The following MCTP1 variants were observed in gnomAD, a reference collection of about 807,000 sequenced individuals.
MCTP1 encodes multiple C2 and transmembrane domain-containing protein 1.
Under a neutral mutation model 120.6 loss-of-function variants are expected in MCTP1, and 69 were observed. That is an observed-to-expected ratio of 0.57 (90% CI 0.47 to 0.70). MCTP1 has a LOEUF of 0.70. Ranked by LOEUF, MCTP1 falls within the 30% of genes least tolerant of loss-of-function variation. The probability of loss-of-function intolerance (pLI) is 0.00; values close to 1 mark genes in which losing one functional copy is unlikely to be tolerated. For synonymous variants in MCTP1, 529 were observed against 493.1 expected (o/e 1.07, Z -0.96); for missense variants, 1,203 against 1,248.8 (o/e 0.96, Z 0.55).
intron 19 of MCTP1, among the ~76,000 whole-genome samples, chr5:94,745,297 G>A (rs72775304): frequency 0.15 from 22,572 of 152,148 alleles, 1,964 homozygotes; most frequent in East Asian, 0.33. Flanking sequence ...TCCACAGCTC[G>A]GAGAGTGTGC....
At chr5:94,710,280 T>C (rs1251183963) in intron 21 of MCTP1, 1 of 152,094 alleles carries the variant, frequency 6.6e-6, no homozygotes, top group Non-Finnish European at 1.5e-5. Flanking sequence ...AAAAATCACC[T>C]TTGATGTAGG....
At chr5:94,744,799 C>G (rs1013008681) in intron 19 of MCTP1, among the ~76,000 whole-genome samples, 1 of 152,112 alleles carries the variant, frequency 6.6e-6, no homozygotes, top group East Asian at 1.9e-4. Context: ...TGTGAGCCAC[C>G]GCGCCCAGCC....
chr5:94,905,018 G>A (rs1376488248), intron 10 of MCTP1, among the ~76,000 whole-genome samples: 1 of 152,206 alleles, frequency 6.6e-6, no homozygotes, highest in East Asian at 1.9e-4. Context: ...ATAGAGGAAT[G>A]GAATGCCAAG....
intron 1 of MCTP1, among the ~76,000 whole-genome samples, chr5:95,203,428 G>A (rs938060783): frequency 6.6e-6 from 1 of 152,158 alleles, no homozygotes; most frequent in Non-Finnish European, 1.5e-5. Flanking sequence ...TTGTGAATTA[G>A]GTATGAGTGT....
At chr5:94,916,377 T>C (rs1020039596) in intron 8 of MCTP1, among the ~76,000 whole-genome samples, 43 of 152,342 alleles carry the variant, frequency 2.8e-4, no homozygotes, top group African/African-American at 9.6e-4. Context: ...TTGATTTTTC[T>C]AGACTGTACT....
chr5:95,032,850 C>T (rs1327369883), intron 1 of MCTP1, among the ~76,000 whole-genome samples: 1 of 151,652 alleles, frequency 6.6e-6, no homozygotes, highest in East Asian at 1.9e-4. Flanking sequence ...CTAGATTAAC[C>T]AAGAAAAAAA....
At chr5:95,249,313 C>A (rs1310919702) in intron 1 of MCTP1, among the ~76,000 whole-genome samples, 1 of 151,766 alleles carries the variant, frequency 6.6e-6, no homozygotes, top group Non-Finnish European at 1.5e-5. Flanking sequence ...AACAAATTTA[C>A]AATTAAAAAA....
chr5:95,034,834 T>C (rs1014702952), intron 1 of MCTP1, among the ~76,000 whole-genome samples: 1 of 151,976 alleles, frequency 6.6e-6, no homozygotes, highest in Non-Finnish European at 1.5e-5. Flanking sequence ...AACAAAAGAC[T>C]AATATCCAGA....
At chr5:95,174,965 T>C (rs1228688537) in intron 1 of MCTP1, among the ~76,000 whole-genome samples, 5 of 152,178 alleles carry the variant, frequency 3.3e-5, no homozygotes, top group Admixed American at 6.5e-5. Context: ...TCTTTCTTAC[T>C]TCAACATTTA....
intron 6 of MCTP1, among the ~76,000 whole-genome samples, chr5:94,930,464 G>A (rs546309698): frequency 6.6e-6 from 1 of 151,316 alleles, no homozygotes; most frequent in East Asian, 1.9e-4. Flanking sequence ...AGTAGAGATG[G>A]GGTTTCACCA....
At chr5:95,167,821 A>G (rs1462816324) in intron 1 of MCTP1, among the ~76,000 whole-genome samples, 2 of 152,126 alleles carry the variant, frequency 1.3e-5, no homozygotes, top group Non-Finnish European at 2.9e-5. Flanking sequence ...AGTAGATTGG[A>G]AAAATTTTCT....
intron 2 of MCTP1, among the ~76,000 whole-genome samples, chr5:95,001,944 T>C (rs994023086): frequency 1.3e-5 from 2 of 152,050 alleles, no homozygotes; most frequent in African/African-American, 4.8e-5. Context: ...GAGGCAAAAA[T>C]TATTTCATGG....
chr5:94,819,894 G>T (rs1785266484), intron 17 of MCTP1, among the ~76,000 whole-genome samples: 1 of 152,190 alleles, frequency 6.6e-6, no homozygotes, highest in South Asian at 2.1e-4. Flanking sequence ...TAGATAAGTT[G>T]CACGAAGTCC....
intron 2 of MCTP1, among the ~76,000 whole-genome samples, chr5:94,978,638 C>A (rs1483022556): frequency 6.6e-6 from 1 of 152,058 alleles, no homozygotes; most frequent in East Asian, 1.9e-4. Context: ...CATCAGATAT[C>A]TAAAATAGTC....
At chr5:94,743,095 C>T (rs570258561) in intron 19 of MCTP1, among the ~76,000 whole-genome samples, 7 of 145,740 alleles carry the variant, frequency 4.8e-5, no homozygotes, top group South Asian at 4.3e-4. Flanking sequence ...CAATCAAGTA[C>T]GAACATCTAA....
chr5:94,831,544 G>T (rs904253788), intron 17 of MCTP1, among the ~76,000 whole-genome samples: 5 of 152,072 alleles, frequency 3.3e-5, no homozygotes, highest in African/African-American at 1.2e-4. Context: ...GTACTTTAAG[G>T]ACACACTGCA....
chr5:94,751,751 A>G (rs1768375287), intron 19 of MCTP1, among the ~76,000 whole-genome samples: 1 of 152,110 alleles, frequency 6.6e-6, no homozygotes, highest in African/African-American at 2.4e-5. Context: ...TGCATGAAGG[A>G]ACAGAGAAGG....
At chr5:95,138,148 CAGG>C (rs764447378) in intron 1 of MCTP1, among the ~76,000 whole-genome samples, 22 of 151,838 alleles carry the variant, frequency 1.4e-4, no homozygotes, top group Middle Eastern at 3.4e-3. Context: ...CTCATTCTCC[CAGG>C]AGAAGAACTG....
chr5:94,885,557 A>G (rs1801109462), intron 12 of MCTP1, among the ~76,000 whole-genome samples: 1 of 152,132 alleles, frequency 6.6e-6, no homozygotes, highest in Non-Finnish European at 1.5e-5. Flanking sequence ...AATATGAACT[A>G]TTTCCTACCA....
Sources: gnomAD v4.1 joint callset for allele counts (sites outside exome capture counted in the v4.1 genomes callset) on GRCh38, gnomAD v4.1.1 for gene constraint, MANE v1.5 for transcripts, NCBI Gene and HGNC (gene_info 2026-07-23, HGNC 2026-07-21) for gene names.